The following AIG1 variants were observed in gnomAD, a reference collection of about 807,000 sequenced individuals.
AIG1 encodes androgen induced 1, also known as androgen-induced gene 1 protein.
AIG1 carries 23 observed loss-of-function variants against 31.4 expected under a neutral mutation model. The ratio of observed to expected loss-of-function variants is 0.73; its 90% CI spans 0.53 to 1.04. AIG1 has a LOEUF of 1.04. AIG1 is among the 50% of genes least tolerant of loss of function. The pLI is 0.00. For synonymous variants in AIG1, 100 were observed against 110.5 expected (o/e 0.90, Z 0.60); for missense variants, 274 against 295.0 (o/e 0.93, Z 0.52).
intron 3 of AIG1, among the ~76,000 whole-genome samples, chr6:143,273,332 GTGAA>G (rs1239994370): frequency 6.6e-6 from 1 of 152,170 alleles, no homozygotes; most frequent in Non-Finnish European, 1.5e-5. Context: ...TCAGAGTGCT[GTGAA>G]TGATGTTTCA....
chr6:143,136,301 A>G (rs1417910933), intron 1 of AIG1, among the ~76,000 whole-genome samples: 1 of 152,160 alleles, frequency 6.6e-6, no homozygotes, highest in East Asian at 1.9e-4. Flanking sequence ...CCCACTTCCT[A>G]CCACTTCCTT....
intron 1 of AIG1, among the ~76,000 whole-genome samples, chr6:143,103,703 T>G (rs1237210011): frequency 1.3e-5 from 2 of 151,764 alleles, no homozygotes; most frequent in Non-Finnish European, 2.9e-5. Context: ...GAGACGGGGT[T>G]TCACCATTTT....
chr6:143,188,622 T>C (rs898896808), intron 3 of AIG1: 1 of 985,018 alleles, frequency 1.0e-6, no homozygotes, highest in African/African-American at 1.7e-5. Flanking sequence ...CTCAGATTTG[T>C]ATATAAAATC....
intron 3 of AIG1, among the ~76,000 whole-genome samples, chr6:143,267,684 A>G (rs543625469): frequency 6.6e-6 from 1 of 152,290 alleles, no homozygotes; most frequent in African/African-American, 2.4e-5. Context: ...TATGACTATC[A>G]AAGCAAGAGG....
At chr6:143,205,408 A>T (rs776683422) in intron 3 of AIG1, among the ~76,000 whole-genome samples, 56 of 152,218 alleles carry the variant, frequency 3.7e-4, no homozygotes, top group Non-Finnish European at 7.6e-4. Context: ...GGGTTAATTT[A>T]TACAGTTTTT....
At chr6:143,229,653 C>T (rs1479303679) in intron 3 of AIG1, among the ~76,000 whole-genome samples, 1 of 152,110 alleles carries the variant, frequency 6.6e-6, no homozygotes, top group African/African-American at 2.4e-5. Context: ...CTTCTTTCAG[C>T]AGATAATACC....
intron 3 of AIG1, among the ~76,000 whole-genome samples, chr6:143,267,853 G>A (rs982235282): frequency 1.3e-5 from 2 of 152,152 alleles, no homozygotes; most frequent in Non-Finnish European, 2.9e-5. Context: ...GGACTTTTCC[G>A]TTTACCTGAG....
chr6:143,110,691 A>G (rs9376723), intron 1 of AIG1, among the ~76,000 whole-genome samples: 18,907 of 152,086 alleles, frequency 0.12, 3,476 homozygotes, highest in African/African-American at 0.41. Flanking sequence ...GGAGGTGCGG[A>G]GTTTTTTTTG....
At chr6:143,244,771 ATATGT>A (rs1411224124) in intron 3 of AIG1, among the ~76,000 whole-genome samples, 2 of 152,194 alleles carry the variant, frequency 1.3e-5, no homozygotes, top group African/African-American at 4.8e-5. Context: ...GTGTTTTGTG[ATATGT>A]TACAATATCA....
intron 1 of AIG1, among the ~76,000 whole-genome samples, chr6:143,082,397 T>C (rs1478503280): frequency 1.3e-5 from 2 of 152,216 alleles, no homozygotes; most frequent in Non-Finnish European, 2.9e-5. Flanking sequence ...AATTACTTGT[T>C]GCCAGTTATG....
At position 143,176,395 on chromosome 6, in the gene AIG1, C is replaced by T. The variant is rs930640141; in HGVS notation, c.399+11212C>T. Among the ~76,000 whole-genome samples, 22 of 152,046 alleles carry T rather than the reference C, an allele frequency of 1.4e-4. 1 individual carries two copies. The highest frequency in any genetic ancestry group is 4.4e-5 in the Non-Finnish European group (3 of 68,006). ...ATTCAAGTTTCTCAGGTGGTGGGGC[C>T]GGGCTATAGATCTCTCAAGAGATTG... On this transcript the variant is annotated intron_variant, in intron 3 of 5. Coordinates refer to ENST00000357847, the MANE Select transcript of AIG1 (RefSeq NM_016108.4).
At chr6:143,167,854 A>T (rs1562449954) in intron 3 of AIG1, among the ~76,000 whole-genome samples, 1 of 152,214 alleles carries the variant, frequency 6.6e-6, no homozygotes, top group Non-Finnish European at 1.5e-5. Context: ...ATAAATGACC[A>T]GTTCTTTGGT....
intron 1 of AIG1, among the ~76,000 whole-genome samples, chr6:143,109,952 C>T (rs879708808): frequency 3.3e-5 from 5 of 152,132 alleles, no homozygotes; most frequent in Non-Finnish European, 5.9e-5. Flanking sequence ...TTTACCCAAT[C>T]CAAGGTCATG....
At chr6:143,305,547 C>G (rs1262120277) in intron 4 of AIG1, among the ~76,000 whole-genome samples, 1 of 152,136 alleles carries the variant, frequency 6.6e-6, no homozygotes, top group Non-Finnish European at 1.5e-5. Context: ...GAGTGAGTTT[C>G]TTAATCCTGA....
intron 3 of AIG1, among the ~76,000 whole-genome samples, chr6:143,182,392 T>C (rs1255941841): frequency 1.3e-5 from 2 of 152,224 alleles, no homozygotes; most frequent in Non-Finnish European, 2.9e-5. Flanking sequence ...CAATAATCAT[T>C]TGATGAATCA....
intron 3 of AIG1, among the ~76,000 whole-genome samples, chr6:143,184,704 C>G (rs751761922): frequency 1.3e-5 from 2 of 152,222 alleles, no homozygotes; most frequent in Non-Finnish European, 2.9e-5. Context: ...CTCTCATCTC[C>G]TGGCCTCTGC....
At chr6:143,191,680 G>A (rs2128597714) in intron 3 of AIG1, among the ~76,000 whole-genome samples, 1 of 152,242 alleles carries the variant, frequency 6.6e-6, no homozygotes. Flanking sequence ...AGAAAGGAAG[G>A]GTGGGAGTCT....
At chr6:143,272,875 G>T (rs113106441) in intron 3 of AIG1, among the ~76,000 whole-genome samples, 5 of 152,114 alleles carry the variant, frequency 3.3e-5, no homozygotes, top group Non-Finnish European at 7.3e-5. Context: ...TCATGCCTGT[G>T]ATCCCAGCAC....
intron 3 of AIG1, among the ~76,000 whole-genome samples, chr6:143,195,756 C>T (rs1052826986): frequency 5.3e-5 from 8 of 150,948 alleles, no homozygotes; most frequent in African/African-American, 1.5e-4. Context: ...GGGCTGGCAA[C>T]GTCCTGGGCA....
Sources: allele counts gnomAD v4.1 joint callset (sites outside exome capture counted in the v4.1 genomes callset), GRCh38; gene constraint gnomAD v4.1.1; transcripts MANE v1.5; gene names NCBI Gene and HGNC (gene_info 2026-07-23, HGNC 2026-07-21).